ZEB2: variants seen among roughly 807,000 people sequenced by gnomAD.
ZEB2 encodes zinc finger E-box binding homeobox 2.
ZEB2 carries 6 observed loss-of-function variants against 99.9 expected under a neutral mutation model. The ratio of observed to expected loss-of-function variants is 0.06; its 90% CI spans 0.03 to 0.12. The LOEUF (loss-of-function observed/expected upper bound fraction) is 0.12, where lower values mean the gene tolerates loss of function less well. Among genes scored for constraint, ZEB2 ranks in the 10% least tolerant of loss-of-function variants. The pLI, the probability that ZEB2 is intolerant of heterozygous loss-of-function variation, is 1.00. For synonymous variants in ZEB2, 517 were observed against 542.5 expected (o/e 0.95, Z 0.65); for missense variants, 969 against 1,502.8 (o/e 0.64, Z 5.87).
intron 2 of ZEB2, among the ~76,000 whole-genome samples, chr2:144,510,989 G>A (rs72992202): frequency 1.9e-4 from 29 of 152,308 alleles, no homozygotes; most frequent in African/African-American, 6.7e-4. Flanking sequence ...GGGTGTGTGT[G>A]TGTCTTCCCG....
chr2:144,440,513 ATATTTTTTTTTTTTTTTTT>A (rs1269555070), intron 2 of ZEB2, among the ~76,000 whole-genome samples: 1,350 of 23,940 alleles, frequency 0.056, 15 homozygotes, highest in Middle Eastern at 0.15. Flanking sequence ...ATATATATAT[ATATTTTTTTTTTTTTTTTT>A]TTTTTTTTTT....
At chr2:144,498,221 G>A (rs1016300391) in intron 2 of ZEB2, among the ~76,000 whole-genome samples, 3 of 139,686 alleles carry the variant, frequency 2.1e-5, no homozygotes, top group South Asian at 2.1e-4. Flanking sequence ...AGGGCACTAC[G>A]AACCAAACGT....
intron 2 of ZEB2, among the ~76,000 whole-genome samples, chr2:144,490,990 C>T (rs1174062402): frequency 1.3e-5 from 2 of 152,170 alleles, no homozygotes; most frequent in South Asian, 2.1e-4. Flanking sequence ...GCTAAGGAGC[C>T]GTTATGTAGT....
chr2:144,404,830 C>A lies in ZEB2; in HGVS notation c.592+6G>T, dbSNP rs767452916. On this transcript the variant is annotated splice_donor_region_variant and intron_variant, in intron 5 of 9. Coordinates refer to ENST00000627532, the MANE Select transcript of ZEB2 (RefSeq NM_014795.4). ...TGCAGTGGCTAAAAATGATTTACAG[C>A]CTCACCATTTTCTTCTTGCCCATTG... 1.2e-6 allele frequency: 2 copies of A among 1,613,576 alleles called. No homozygotes were observed. The highest frequency in any genetic ancestry group is 8.5e-7 in the Non-Finnish European group (1 of 1,179,810).
intron 2 of ZEB2, among the ~76,000 whole-genome samples, chr2:144,454,374 T>C (rs1260229076): frequency 1.3e-5 from 2 of 152,170 alleles, no homozygotes; most frequent in Non-Finnish European, 2.9e-5. Flanking sequence ...ATAAACCTGA[T>C]CCTAATTGTG....
chr2:144,513,071 C>A (rs1421742462), intron 2 of ZEB2: 1 of 1,287,204 alleles, frequency 7.8e-7, no homozygotes, highest in Admixed American at 2.3e-5. Context: ...GTTGCCCCAT[C>A]CCAACTTCAC....
chr2:144,511,278 G>C lies in ZEB2; in HGVS notation c.73+6000C>G, dbSNP rs969530615. The C allele has an allele frequency of 8.8e-5, 57 of 647,018 alleles. 1 individual carries two copies. The South Asian group carries it at 1.4e-3, about 16-fold the overall frequency. 40.1% of individuals were successfully genotyped at this position (647,018 alleles called of 1,614,324 possible). The stretch of plus-strand genomic sequence containing the variant: ...TATGTAGGAGAGAACGGAAAGAAGA[G>C]AAAAGCCAAAAGATACACGCATGGA... On this transcript the variant is annotated intron_variant, in intron 2 of 9. Transcript: ENST00000627532.
At chr2:144,433,229 CCAACTA>C (rs1172757720) in intron 2 of ZEB2, among the ~76,000 whole-genome samples, 1 of 152,066 alleles carries the variant, frequency 6.6e-6, no homozygotes, top group Non-Finnish European at 1.5e-5. Flanking sequence ...TAGCAAAAAG[CCAACTA>C]AAGAGCAGTA....
chr2:144,443,469 A>G (rs1703944715), intron 2 of ZEB2, among the ~76,000 whole-genome samples: 1 of 152,224 alleles, frequency 6.6e-6, no homozygotes, highest in East Asian at 1.9e-4. Flanking sequence ...AATTTATTAT[A>G]CTTCCTGTAA....
intron 2 of ZEB2, among the ~76,000 whole-genome samples, chr2:144,468,398 G>T (rs572425518): frequency 6.6e-6 from 1 of 152,116 alleles, no homozygotes; most frequent in African/African-American, 2.4e-5. Flanking sequence ...TACAAGAATA[G>T]TGGGTGATTT....
intron 2 of ZEB2, among the ~76,000 whole-genome samples, chr2:144,481,095 G>C (rs978346720): frequency 1.3e-5 from 2 of 151,912 alleles, no homozygotes; most frequent in East Asian, 1.9e-4. Flanking sequence ...CATTTATAGA[G>C]GAAAAGAGAA....
chr2:144,480,161 T>C (rs1303767562), intron 2 of ZEB2, among the ~76,000 whole-genome samples: 1 of 152,202 alleles, frequency 6.6e-6, no homozygotes, highest in African/African-American at 2.4e-5. Flanking sequence ...TTGATTTGAT[T>C]TCTGCTTGGG....
chr2:144,487,509 A>C (rs1704615439), intron 2 of ZEB2, among the ~76,000 whole-genome samples: 1 of 152,192 alleles, frequency 6.6e-6, no homozygotes, highest in East Asian at 1.9e-4. Context: ...AAGGTAAAGA[A>C]ATTGATTTAG....
Position 144,389,676 on chromosome 2 carries a change from G to A in ZEB2, c.3420C>T (p.His1140=), listed in dbSNP as rs1703128972. The part of the protein sequence containing the change: ...MPRDGESEKE[H]EKEGEDGYGK... ...CGTAGCCATCCTCGCCTTCTTTCTC[G>A]TGCTCCTTCTCGCTCTCGCCATCCC... Residue 1140 remains histidine (H), a synonymous_variant, in exon 10 of 10, where the codon CAC becomes CAT. Coordinates refer to ENST00000627532, the MANE Select transcript of ZEB2 (RefSeq NM_014795.4). The surrounding 1 kb of genome is among the most constrained non-coding windows in gnomAD (Gnocchi z 6.8). The A allele has an allele frequency of 1.9e-6, 3 of 1,613,544 alleles. No individual in the cohort carries two copies. Among genetic ancestry groups the A allele is most frequent in the Non-Finnish European group, 2.5e-6 (3 of 1,179,980 alleles).
intron 2 of ZEB2, chr2:144,514,419 T>G (rs1705096335): frequency 6.6e-6 from 1 of 152,226 alleles, no homozygotes; most frequent in Non-Finnish European, 1.5e-5. Flanking sequence ...ATTATTGCCA[T>G]TATTTCTTTC....
chr2:144,451,029 TC>T, intron 2 of ZEB2, among the ~76,000 whole-genome samples: 1 of 152,268 alleles, frequency 6.6e-6, no homozygotes, highest in East Asian at 1.9e-4. Flanking sequence ...CCCCTGGGTC[TC>T]CGGAGTGGAC....
chr2:144,469,501 A>G (rs1280329798), intron 2 of ZEB2, among the ~76,000 whole-genome samples: 1 of 152,140 alleles, frequency 6.6e-6, no homozygotes, highest in African/African-American at 2.4e-5. Context: ...CACCTAGCCC[A>G]TAACAGGCTT....
rs1295492951 is a variant in ZEB2, at chr2:144,387,414, A to G, written c.*2037T>C. On this transcript the variant is annotated 3_prime_UTR_variant, in exon 10 of 10. Transcript: ENST00000627532. ...AAGTCATTATGTAAAACCTACGAAT[A>G]CATTCATATTCTGAATATTAGGGTC... 2.0e-5 allele frequency: 3 copies of G among 152,192 alleles called. No individual in the cohort carries two copies. The highest frequency in any genetic ancestry group is 4.4e-5 in the Non-Finnish European group (3 of 68,036). The allele number at this position is 152,192 out of a possible 1,614,324, so 9.4% of individuals were successfully genotyped here.
intron 3 of ZEB2, among the ~76,000 whole-genome samples, chr2:144,425,450 A>G (rs1357302643): frequency 6.6e-6 from 1 of 152,080 alleles, no homozygotes; most frequent in Admixed American, 6.6e-5. Flanking sequence ...AACTTCTAAA[A>G]CGTACCTGCC....
Sources: gnomAD v4.1 joint callset for allele counts (sites outside exome capture counted in the v4.1 genomes callset) on GRCh38, gnomAD v4.1.1 for gene constraint, Gnocchi (gnomAD v3.1) non-coding constraint, MANE v1.5 for transcripts, NCBI Gene and HGNC (gene_info 2026-07-23, HGNC 2026-07-21) for gene names.